The following NCAM2 variants were observed in gnomAD, a reference collection of about 807,000 sequenced individuals.
NCAM2 encodes the protein N-CAM-2.
NCAM2 carries 30 observed loss-of-function variants against 98.1 expected under a neutral mutation model. The ratio of observed to expected loss-of-function variants is 0.31; its 90% CI spans 0.23 to 0.41. The LOEUF is 0.41. Among genes scored for constraint, NCAM2 ranks in the 10% least tolerant of loss-of-function variants. The pLI, the probability that NCAM2 is intolerant of heterozygous loss-of-function variation, is 1.00. For synonymous variants in NCAM2, 368 were observed against 342.4 expected (o/e 1.07, Z -0.83); for missense variants, 867 against 1,005.8 (o/e 0.86, Z 1.87).
At chr21:21,379,081 A>T (rs1215169492) in intron 9 of NCAM2, among the ~76,000 whole-genome samples, 3 of 151,848 alleles carry the variant, frequency 2.0e-5, no homozygotes, top group African/African-American at 7.3e-5. Flanking sequence ...TTTTGAGTTC[A>T]TTTTTGTGGA....
intron 1 of NCAM2, among the ~76,000 whole-genome samples, chr21:21,232,649 A>G (rs1355505887): frequency 5.9e-5 from 9 of 151,682 alleles, no homozygotes; most frequent in Admixed American, 5.3e-4. Flanking sequence ...TTTTTGCTAG[A>G]TATGTAAACG....
chr21:21,276,108 TTA>T (rs1239285124), intron 1 of NCAM2, among the ~76,000 whole-genome samples: 1 of 152,120 alleles, frequency 6.6e-6, no homozygotes, highest in Non-Finnish European at 1.5e-5. Flanking sequence ...TTTTATCTTT[TTA>T]TGTTTCATTG....
intron 8 of NCAM2, among the ~76,000 whole-genome samples, chr21:21,345,318 T>A (rs1257223261): frequency 6.6e-6 from 1 of 151,642 alleles, no homozygotes; most frequent in Admixed American, 6.6e-5. Context: ...AATAGAAATA[T>A]GTGAACTTTC....
At chr21:21,286,570 A>G (rs2073109258) in intron 4 of NCAM2, 158 bp downstream of exon 4, 2 of 356,196 alleles carry the variant, frequency 5.6e-6, no homozygotes, top group South Asian at 1.1e-4. Context: ...GGATTTTGCA[A>G]TCTAGGGATC....
intron 1 of NCAM2, among the ~76,000 whole-genome samples, chr21:21,071,147 T>C (rs1486632192): frequency 6.6e-6 from 1 of 152,178 alleles, no homozygotes; most frequent in Non-Finnish European, 1.5e-5. Flanking sequence ...AAAACTGATA[T>C]ACTAATTCCT....
chr21:21,538,026 C>A lies in NCAM2; in HGVS notation c.*69C>A. On this transcript the variant is annotated 3_prime_UTR_variant, in exon 18 of 18. Transcript: ENST00000400546. ...GGATTGCGTGACCCTATGACCAAAA[C>A]TATTCCATTGACCTTAATTTCTTGG... 2.4e-6 allele frequency: 2 copies of A among 841,458 alleles called. No individual in the cohort carries two copies. The highest frequency in any genetic ancestry group is 3.6e-6 in the Non-Finnish European group (2 of 557,760). 52.1% of individuals were successfully genotyped at this position (841,458 alleles called of 1,614,324 possible). A position where few individuals can be genotyped will look rare whatever the true frequency, so the allele number is the denominator to read the frequency against.
At chr21:21,044,280 T>C (rs989022382) in intron 1 of NCAM2, among the ~76,000 whole-genome samples, 8 of 152,114 alleles carry the variant, frequency 5.3e-5, no homozygotes, top group African/African-American at 1.9e-4. Flanking sequence ...TTTGTAAGGG[T>C]GTGTTTCATA....
intron 1 of NCAM2, among the ~76,000 whole-genome samples, chr21:21,178,964 C>A (rs2068384697): frequency 6.6e-6 from 1 of 151,932 alleles, no homozygotes; most frequent in South Asian, 2.1e-4. Flanking sequence ...CCATGAATTA[C>A]TGAGGGTAGA....
At chr21:21,072,545 G>GA (rs2065594057) in intron 1 of NCAM2, among the ~76,000 whole-genome samples, 1 of 152,076 alleles carries the variant, frequency 6.6e-6, no homozygotes, top group South Asian at 2.1e-4. Context: ...AAGTTTTATA[G>GA]AGGACCAGAT....
At position 21,308,070 on chromosome 21, in the gene NCAM2, T is replaced by TACACACAC. The variant is rs71195319; in HGVS notation, c.619+15838_619+15845dup. On this transcript the variant is annotated intron_variant, in intron 5 of 17. Transcript: ENST00000400546. ...AACAACTGTGCTATGCATACACACA[T>TACACACAC]ACACACACACACACACGTACACACA... Among the ~76,000 whole-genome samples, 1,213 of 151,062 alleles carry TACACACAC rather than the reference T, an allele frequency of 8.0e-3. 11 individuals carry two copies. The highest frequency in any genetic ancestry group is 0.012 in the Non-Finnish European group (815 of 67,732).
At chr21:21,044,515 A>T (rs903650944) in intron 1 of NCAM2, among the ~76,000 whole-genome samples, 1 of 152,188 alleles carries the variant, frequency 6.6e-6, no homozygotes, top group African/African-American at 2.4e-5. Context: ...ATATTGTATA[A>T]ATAACTAGTC....
intron 1 of NCAM2, among the ~76,000 whole-genome samples, chr21:21,228,764 G>C (rs2070495595): frequency 6.6e-6 from 1 of 151,374 alleles, no homozygotes; most frequent in South Asian, 2.1e-4. Context: ...GGCAAGAAAG[G>C]AGAAGGGATG....
intron 1 of NCAM2, among the ~76,000 whole-genome samples, chr21:21,125,412 T>TTTACATATATATGTAATATATAATATA (rs71193402): frequency 0.12 from 10,482 of 84,850 alleles, 3,602 homozygotes; most frequent in East Asian, 0.27. Context: ...TATATAATAT[T>TTTACATATATATGTAATATATAATATA]TTACATATAT....
At chr21:21,536,478 G>A (rs1331412343) in intron 17 of NCAM2, among the ~76,000 whole-genome samples, 1 of 148,624 alleles carries the variant, frequency 6.7e-6, no homozygotes, top group African/African-American at 2.5e-5. Flanking sequence ...CTCAACCTCC[G>A]CCTCCCAGGT....
intron 7 of NCAM2, 96 bp downstream of exon 7, chr21:21,335,761 A>G (rs1005014251): frequency 2.9e-6 from 3 of 1,020,430 alleles, no homozygotes; most frequent in Non-Finnish European, 3.9e-6. Context: ...AACTTTCCAT[A>G]TTAAATCTGT....
chr21:21,512,652 G>T (rs991418027), intron 16 of NCAM2, among the ~76,000 whole-genome samples: 3 of 151,838 alleles, frequency 2.0e-5, no homozygotes, highest in Non-Finnish European at 4.4e-5. Context: ...GATAAGAATT[G>T]CATTGAATCT....
chr21:21,259,696 A>G (rs1383362324), intron 1 of NCAM2, among the ~76,000 whole-genome samples: 2 of 152,096 alleles, frequency 1.3e-5, no homozygotes, highest in South Asian at 2.1e-4. Flanking sequence ...CCAGCAGGAC[A>G]TAGTTTGTTG....
chr21:21,420,461 AAAGT>A lies in NCAM2; in HGVS notation c.1480+1895_1480+1898del, dbSNP rs1338521975. ...GATTTACAGTCTTCTAAGACTAGGTAAAGTAATATCAGAAAATTATTGTAATATT... is the reference window on the plus strand; with the variant it reads ...GATTTACAGTCTTCTAAGACTAGGTAAATATCAGAAAATTATTGTAATATT... On this transcript the variant is annotated intron_variant, in intron 11 of 17. Coordinates refer to ENST00000400546, the MANE Select transcript of NCAM2 (RefSeq NM_004540.5). Among the ~76,000 whole-genome samples the A allele has an allele frequency of 3.0e-4, 45 of 152,180 alleles. 1 individual carries two copies. In the South Asian group the frequency reaches 6.8e-3, roughly 23 times the overall value.
intron 11 of NCAM2, among the ~76,000 whole-genome samples, chr21:21,427,718 A>T (rs751804161): frequency 6.6e-6 from 1 of 152,234 alleles, no homozygotes. Context: ...CTCCTAGGTC[A>T]TGGCACCAAC....
Sources: gnomAD v4.1 joint callset for allele counts (sites outside exome capture counted in the v4.1 genomes callset) on GRCh38, gnomAD v4.1.1 for gene constraint, MANE v1.5 for transcripts, NCBI Gene and HGNC (gene_info 2026-07-23, HGNC 2026-07-21) for gene names.